The following NAV2 variants were observed in gnomAD, a reference collection of about 807,000 sequenced individuals.
NAV2 encodes the protein neuron navigator 2, also known as helicase, APC down-regulated 1.
NAV2 carries 54 observed loss-of-function variants against 223.2 expected under a neutral mutation model. The ratio of observed to expected loss-of-function variants is 0.24; its 90% confidence interval spans 0.19 to 0.30. NAV2 has a LOEUF of 0.30. Ranked by LOEUF, NAV2 falls within the 10% of genes least tolerant of loss-of-function variation. The pLI is 1.00. For missense variants in NAV2, 2,806 were observed against 3,147.5 expected (o/e 0.89, Z 2.60); for synonymous variants, 1,279 against 1,239.3 (o/e 1.03, Z -0.67).
chr11:19,444,794 C>T (rs1186382580), intron 1 of NAV2, among the ~76,000 whole-genome samples: 1 of 152,030 alleles, frequency 6.6e-6, no homozygotes, highest in East Asian at 1.9e-4. Flanking sequence ...AGGTCGTTTT[C>T]AGGCTTTTCT....
At chr11:19,529,478 C>A (rs1223706994) in intron 1 of NAV2, among the ~76,000 whole-genome samples, 1 of 152,198 alleles carries the variant, frequency 6.6e-6, no homozygotes, top group South Asian at 2.1e-4. Flanking sequence ...TCAGTTGAGA[C>A]CCGCCCCACC....
intron 5 of NAV2, among the ~76,000 whole-genome samples, chr11:19,888,539 T>A (rs1384388049): frequency 6.6e-6 from 1 of 152,194 alleles, no homozygotes; most frequent in African/African-American, 2.4e-5. Context: ...TCTGTACCAC[T>A]GGTAAACTGG....
Position 19,670,874 on chromosome 11 carries a change from ACT to A in NAV2, c.76-161607_76-161606del, listed in dbSNP as rs201335020. On this transcript the variant is annotated intron_variant, in intron 1 of 37. Transcript: ENST00000360655. The stretch of plus-strand genomic sequence containing the variant: ...TCTTCCCCAGTGGCCTAGTCTAAGC[ACT>A]CTGCAGCCACAATCTAGTTCATCCG... 2.2e-3 allele frequency among the ~76,000 whole-genome samples: 338 copies of A among 152,282 alleles called. 5 individuals are homozygous for A. Among genetic ancestry groups the A allele is most frequent in the Admixed American group, 0.018 (274 of 15,304 alleles).
chr11:19,446,508 C>T (rs745433007), intron 1 of NAV2, among the ~76,000 whole-genome samples: 3 of 152,168 alleles, frequency 2.0e-5, no homozygotes, highest in Non-Finnish European at 2.9e-5. Context: ...CAGTGGGCAG[C>T]TCTCCAGAGA....
chr11:19,603,571 G>A (rs2046402828), intron 1 of NAV2, among the ~76,000 whole-genome samples: 1 of 144,980 alleles, frequency 6.9e-6, no homozygotes, highest in East Asian at 2.0e-4. Context: ...AGGTTGCAGT[G>A]AGCCAAGATT....
chr11:19,956,352 C>T (rs903079387), intron 10 of NAV2, among the ~76,000 whole-genome samples: 1 of 150,778 alleles, frequency 6.6e-6, no homozygotes, highest in Non-Finnish European at 1.5e-5. Context: ...GATTACCACA[C>T]CCCCGACACA....
chr11:20,080,060 C>G lies in NAV2; in HGVS notation c.5180-4C>G, dbSNP rs1272292801. On this transcript the variant is annotated splice_region_variant and splice_polypyrimidine_tract_variant and intron_variant, in intron 24 of 37. Coordinates refer to ENST00000349880, the MANE Select transcript of NAV2 (RefSeq NM_145117.5). ...CTGCTGAAACACCCTGCCTTGGTCTCCAGGAAACGGCACTGCCCAGTCTGC... is the reference window on the plus strand; with the variant it reads ...CTGCTGAAACACCCTGCCTTGGTCTGCAGGAAACGGCACTGCCCAGTCTGC... 2 of 1,613,118 alleles carry G rather than the reference C, an allele frequency of 1.2e-6. No homozygotes were observed. Among genetic ancestry groups the G allele is most frequent in the East Asian group, 4.5e-5 (2 of 44,896 alleles).
At chr11:19,487,889 G>A (rs2134050252) in intron 1 of NAV2, among the ~76,000 whole-genome samples, 1 of 152,262 alleles carries the variant, frequency 6.6e-6, no homozygotes, top group South Asian at 2.1e-4. Context: ...CAGTTGAACT[G>A]TCTTTGGATT....
intron 11 of NAV2, among the ~76,000 whole-genome samples, chr11:20,031,734 T>TTG (rs5790104): frequency 0.039 from 5,767 of 149,102 alleles, 220 homozygotes; most frequent in African/African-American, 0.1. Flanking sequence ...CATTTTCGCT[T>TTG]TGTGTGTGTG....
chr11:19,896,880 T>C (rs1236282747), intron 6 of NAV2, among the ~76,000 whole-genome samples: 1 of 152,242 alleles, frequency 6.6e-6, no homozygotes, highest in African/African-American at 2.4e-5. Flanking sequence ...TCCCCATTAC[T>C]GGGTATATAC....
Position 20,097,684 on chromosome 11 carries a change from G to A in NAV2, c.6120G>A (p.Pro2040=), listed in dbSNP as rs763156846. The A allele has an allele frequency of 2.4e-5, 39 of 1,612,914 alleles. No individual in the cohort carries two copies. The highest frequency in any genetic ancestry group is 3.3e-5 in the South Asian group (3 of 90,834). The part of the protein sequence containing the change: ...EIKRSNTSET[P]ELLPCGYLVG... ...AGCGCAGCAACACTTCCGAAACACC[G>A]GAGCTGCTTCCTTGTGGCTATCTGG... The change falls in exon 31 of 38, where the codon CCG becomes CCA. Residue 2040 remains proline (P), a synonymous_variant. Coordinates refer to ENST00000349880, the MANE Select transcript of NAV2 (RefSeq NM_145117.5).
chr11:19,444,749 A>G (rs1264987492), intron 1 of NAV2, among the ~76,000 whole-genome samples: 2 of 151,344 alleles, frequency 1.3e-5, no homozygotes, highest in African/African-American at 4.8e-5. Flanking sequence ...ATTATTACTA[A>G]TTATTATAAA....
intron 2 of NAV2, 57 bp from the exon 3 acceptor site, chr11:19,842,814 A>G (rs2152946031): frequency 1.3e-6 from 2 of 1,562,248 alleles, no homozygotes; most frequent in African/African-American, 2.7e-5. Flanking sequence ...CCTGAACATC[A>G]CTACTGAAAG....
chr11:20,049,775 A>T, intron 15 of NAV2, 61 bp from the exon 16 acceptor site: 2 of 1,505,954 alleles, frequency 1.3e-6, no homozygotes, highest in Non-Finnish European at 1.8e-6. Context: ...ATATAACAAC[A>T]CCTCTCCTTT....
intron 1 of NAV2, among the ~76,000 whole-genome samples, chr11:19,580,120 C>G (rs2045672674): frequency 6.6e-6 from 1 of 152,060 alleles, no homozygotes; most frequent in African/African-American, 2.4e-5. Flanking sequence ...TGCTGTTGAC[C>G]CAACCGGGGG....
At chr11:19,417,974 T>TGGGCGTCTAGGGGAG (rs1264676492) in intron 1 of NAV2, among the ~76,000 whole-genome samples, 1 of 151,988 alleles carries the variant, frequency 6.6e-6, no homozygotes. Context: ...TGTCAGGGGA[T>TGGGCGTCTAGGGGAG]GGGCGTCTAG....
At chr11:19,719,407 A>T (rs2050580041) in intron 1 of NAV2, among the ~76,000 whole-genome samples, 1 of 152,188 alleles carries the variant, frequency 6.6e-6, no homozygotes, top group Non-Finnish European at 1.5e-5. Context: ...GAGAGGTCAG[A>T]GTTTGCATCT....
At chr11:19,477,374 T>C (rs2042150469) in intron 1 of NAV2, among the ~76,000 whole-genome samples, 1 of 152,240 alleles carries the variant, frequency 6.6e-6, no homozygotes, top group Non-Finnish European at 1.5e-5. Context: ...TTATATTTTG[T>C]GCATTGAAAC....
At chr11:19,810,742 C>T (rs2058796817) in intron 1 of NAV2, among the ~76,000 whole-genome samples, 1 of 152,156 alleles carries the variant, frequency 6.6e-6, no homozygotes, top group South Asian at 2.1e-4. Flanking sequence ...CACACCTGGG[C>T]CTGGGCCTTA....
Sources: allele counts gnomAD v4.1 joint callset (sites outside exome capture counted in the v4.1 genomes callset), GRCh38; gene constraint gnomAD v4.1.1; transcripts MANE v1.5; gene names NCBI Gene and HGNC (gene_info 2026-07-23, HGNC 2026-07-21).